The following NFIB variants were observed in gnomAD, a reference collection of about 807,000 sequenced individuals.
The protein encoded by NFIB is nuclear factor 1 B-type.
A neutral mutation model predicts 61.5 loss-of-function variants in NFIB; 11 were observed. That is an observed-to-expected ratio of 0.18 (90% CI 0.11 to 0.30). The LOEUF (loss-of-function observed/expected upper bound fraction) is 0.30, where lower values mean the gene tolerates loss of function less well. Ranked by LOEUF, NFIB falls within the 10% of genes least tolerant of loss-of-function variation. The pLI, the probability that NFIB is intolerant of heterozygous loss-of-function variation, is 1.00. For missense variants in NFIB, 471 were observed against 608.9 expected (o/e 0.77, Z 2.38); for synonymous variants, 260 against 216.5 (o/e 1.20, Z -1.76).
intron 8 of NFIB, among the ~76,000 whole-genome samples, chr9:14,118,577 C>T (rs2038472660): frequency 6.6e-6 from 1 of 152,010 alleles, no homozygotes; most frequent in Non-Finnish European, 1.5e-5. Flanking sequence ...CTGGTTCAAA[C>T]AGATGAAGCT....
At chr9:14,234,067 C>T (rs1187838884) in intron 2 of NFIB, among the ~76,000 whole-genome samples, 11 of 152,192 alleles carry the variant, frequency 7.2e-5, no homozygotes. Context: ...TTAGAGCTAA[C>T]TTCTGTGACT....
upstream of NFIB, among the ~76,000 whole-genome samples, chr9:14,400,277 C>T (rs2133052283): frequency 6.6e-6 from 1 of 152,268 alleles, no homozygotes; most frequent in South Asian, 2.1e-4. Flanking sequence ...CCTACTACTT[C>T]TTAATCAGAA....
the NFIB span, among the ~76,000 whole-genome samples, chr9:14,406,724 G>C: frequency 1.3e-5 from 2 of 152,172 alleles, no homozygotes; most frequent in African/African-American, 4.8e-5. Flanking sequence ...TTCCAGTCTT[G>C]ACCTATAAAA....
chr9:14,227,163 GAAAAGTAAAGT>G (rs1339695266), intron 2 of NFIB, among the ~76,000 whole-genome samples: 12 of 145,604 alleles, frequency 8.2e-5, no homozygotes, highest in Admixed American at 3.4e-4. Flanking sequence ...AAAAAAGAAA[GAAAAGTAAAGT>G]AAAAGAAAAG....
intron 2 of NFIB, among the ~76,000 whole-genome samples, chr9:14,192,844 C>T (rs1406476028): frequency 6.6e-6 from 1 of 152,102 alleles, no homozygotes; most frequent in Non-Finnish European, 1.5e-5. Context: ...GAAATTCCTC[C>T]TATTGGACTA....
At chr9:14,213,280 T>A (rs1159323265) in intron 2 of NFIB, among the ~76,000 whole-genome samples, 1 of 151,908 alleles carries the variant, frequency 6.6e-6, no homozygotes, top group Admixed American at 6.5e-5. Flanking sequence ...CTTTGGAAAG[T>A]TACCTATCCA....
At chr9:14,107,298 C>A (rs1587238782) in intron 10 of NFIB, among the ~76,000 whole-genome samples, 1 of 150,148 alleles carries the variant, frequency 6.7e-6, no homozygotes, top group Non-Finnish European at 1.5e-5. Flanking sequence ...TTGTATGTTT[C>A]ACATACAACA....
chr9:14,427,645 G>A, the NFIB span, among the ~76,000 whole-genome samples: 8 of 152,126 alleles, frequency 5.3e-5, no homozygotes, highest in Non-Finnish European at 1.0e-4. Context: ...ACCCTCTCCA[G>A]GGTGCTGAGG....
intron 1 of NFIB, among the ~76,000 whole-genome samples, chr9:14,323,902 A>C (rs2060720162): frequency 6.6e-6 from 1 of 152,212 alleles, no homozygotes; most frequent in East Asian, 1.9e-4. Flanking sequence ...ATTTTCAGTG[A>C]TAATAAGTGC....
At chr9:14,158,135 A>G (rs756575842) in intron 3 of NFIB, among the ~76,000 whole-genome samples, 8 of 151,136 alleles carry the variant, frequency 5.3e-5, no homozygotes, top group Non-Finnish European at 1.2e-4. Flanking sequence ...AACAAAACAA[A>G]ACAAAAAAAC....
chr9:14,279,795 A>C (rs991608081), intron 2 of NFIB, among the ~76,000 whole-genome samples: 17 of 152,196 alleles, frequency 1.1e-4, no homozygotes, highest in Non-Finnish European at 1.9e-4. Context: ...CTTACCATAA[A>C]GCTCCCAAAT....
intron 2 of NFIB, among the ~76,000 whole-genome samples, chr9:14,268,523 C>T (rs2057380663): frequency 6.6e-6 from 1 of 152,168 alleles, no homozygotes; most frequent in Non-Finnish European, 1.5e-5. Flanking sequence ...TTTCCTGCCT[C>T]CAGGACCCCC....
the NFIB span, among the ~76,000 whole-genome samples, chr9:14,404,994 G>T: frequency 6.6e-6 from 1 of 152,200 alleles, no homozygotes; most frequent in Non-Finnish European, 1.5e-5. Context: ...TTTCCTGCTG[G>T]GCATACAACT....
intron 3 of NFIB, among the ~76,000 whole-genome samples, chr9:14,156,095 C>G (rs1587113845): frequency 6.6e-6 from 1 of 152,110 alleles, no homozygotes; most frequent in South Asian, 2.1e-4. Flanking sequence ...ACCAAATAAT[C>G]TCTTAGGAAA....
intron 2 of NFIB, among the ~76,000 whole-genome samples, chr9:14,255,625 A>T (rs946090919): frequency 5.3e-5 from 8 of 152,218 alleles, no homozygotes; most frequent in Non-Finnish European, 1.0e-4. Flanking sequence ...ATAGGTAGTG[A>T]CAGATTAACC....
intron 1 of NFIB, among the ~76,000 whole-genome samples, chr9:14,353,281 A>T (rs1257394175): frequency 1.3e-5 from 2 of 151,920 alleles, no homozygotes; most frequent in East Asian, 3.9e-4. Flanking sequence ...AAGGGGAGGG[A>T]TATTAGAGGA....
At chr9:14,373,951 T>G (rs954872817) in intron 1 of NFIB, among the ~76,000 whole-genome samples, 7 of 152,160 alleles carry the variant, frequency 4.6e-5, no homozygotes, top group African/African-American at 7.2e-5. Flanking sequence ...CGGATCAGCT[T>G]GTGGATTTCA....
intron 3 of NFIB, among the ~76,000 whole-genome samples, chr9:14,176,843 T>G (rs2046238836): frequency 6.6e-6 from 1 of 152,138 alleles, no homozygotes; most frequent in Admixed American, 6.5e-5. Flanking sequence ...GCATCTGCAC[T>G]TATAGGATGA....
At chr9:14,342,863 G>A (rs894641694) in intron 1 of NFIB, among the ~76,000 whole-genome samples, 1 of 152,114 alleles carries the variant, frequency 6.6e-6, no homozygotes, top group African/African-American at 2.4e-5. Context: ...CAAACAATGA[G>A]GGTACATTTC....
Sources: gnomAD v4.1 joint callset for allele counts (sites outside exome capture counted in the v4.1 genomes callset) on GRCh38, gnomAD v4.1.1 for gene constraint, MANE v1.5 for transcripts, NCBI Gene and HGNC (gene_info 2026-07-23, HGNC 2026-07-21) for gene names.